SVIL: variants seen among roughly 807,000 people sequenced by gnomAD.
SVIL encodes supervillin.
A neutral mutation model predicts 240.4 loss-of-function variants in SVIL; 101 were observed. The ratio of observed to expected loss-of-function variants is 0.42; its 90% CI spans 0.36 to 0.50. The LOEUF (loss-of-function observed/expected upper bound fraction) is 0.50, where lower values mean the gene tolerates loss of function less well. Ranked by LOEUF, SVIL falls within the 20% of genes least tolerant of loss-of-function variation. SVIL has a pLI of 0.01. For synonymous variants in SVIL, 999 were observed against 1,100.0 expected (o/e 0.91, Z 1.82); for missense variants, 2,512 against 2,818.7 (o/e 0.89, Z 2.46).
intron 7 of SVIL, 37 bp downstream of exon 7, chr10:29,535,952 C>CA: frequency 6.2e-7 from 1 of 1,610,246 alleles, no homozygotes; most frequent in Non-Finnish European, 8.5e-7. Context: ...AAGCAACACT[C>CA]ATGCACACAA....
upstream of SVIL, among the ~76,000 whole-genome samples, chr10:29,736,458 A>C (rs1345029515): frequency 6.6e-6 from 1 of 152,158 alleles, no homozygotes; most frequent in Non-Finnish European, 1.5e-5. Flanking sequence ...GCTGGAGGCC[A>C]GGGCCGCCCT....
intron 6 of SVIL, 128 bp downstream of exon 6, chr10:29,550,469 C>A: frequency 1.7e-5 from 17 of 1,018,340 alleles, no homozygotes; most frequent in Non-Finnish European, 2.2e-5. Context: ...GAATCATATA[C>A]TATGATATTT....
At chr10:29,617,559 C>A (rs369356506) in intron 1 of SVIL, among the ~76,000 whole-genome samples, 5 of 135,896 alleles carry the variant, frequency 3.7e-5, no homozygotes, top group African/African-American at 1.4e-4. Context: ...CCAGCCTGGG[C>A]GAAAAAGGAA....
intron 32 of SVIL, among the ~76,000 whole-genome samples, chr10:29,468,652 G>A (rs946556346): frequency 1.3e-5 from 2 of 150,928 alleles, no homozygotes; most frequent in African/African-American, 4.9e-5. Context: ...ATATATACAT[G>A]TACATATATA....
chr10:29,594,248 T>C (rs1206631122), intron 1 of SVIL, among the ~76,000 whole-genome samples: 1 of 96,356 alleles, frequency 1.0e-5, no homozygotes, highest in African/African-American at 4.2e-5. Flanking sequence ...ATTATGTACA[T>C]GCAAATATTC....
chr10:29,637,589 G>A (rs1437115847), upstream of SVIL, among the ~76,000 whole-genome samples: 3 of 152,176 alleles, frequency 2.0e-5, no homozygotes, highest in African/African-American at 7.2e-5. Context: ...CAAAAAGAGA[G>A]ACACATAACA....
intron 1 of SVIL, among the ~76,000 whole-genome samples, chr10:29,583,870 G>A (rs778070507): frequency 3.3e-5 from 5 of 152,198 alleles, no homozygotes; most frequent in Non-Finnish European, 7.3e-5. Context: ...ATGCGTGGGT[G>A]TAACATCTGA....
chr10:29,696,632 G>A (rs1052833353), intron 1 of SVIL, among the ~76,000 whole-genome samples: 3 of 143,640 alleles, frequency 2.1e-5, no homozygotes, highest in Non-Finnish European at 4.6e-5. Flanking sequence ...GGAGCGCCTC[G>A]GCCCGGCCGC....
chr10:29,650,138 A>G (rs1355501305), intron 3 of SVIL, among the ~76,000 whole-genome samples: 1 of 152,234 alleles, frequency 6.6e-6, no homozygotes, highest in African/African-American at 2.4e-5. Flanking sequence ...CACGAAGTGG[A>G]CTTAGACAAT....
chr10:29,683,296 T>A (rs1453121547), intron 2 of SVIL, among the ~76,000 whole-genome samples: 1 of 152,188 alleles, frequency 6.6e-6, no homozygotes, highest in Non-Finnish European at 1.5e-5. Flanking sequence ...GATAAGGGAT[T>A]GTGGAGACCA....
chr10:29,641,845 T>G (rs1425557392), intron 3 of SVIL, among the ~76,000 whole-genome samples: 2 of 152,168 alleles, frequency 1.3e-5, no homozygotes, highest in Non-Finnish European at 2.9e-5. Flanking sequence ...CAGCACCACA[T>G]TTAGATAAAC....
In SVIL at chr10:29,550,849, C is replaced by A. The variant is rs1348376176; in HGVS notation, c.575G>T (p.Gly192Val). ...CAGCAGCACCTCCGGGTCGGAAGAG[C>A]CGTCACCCACATGGAGGGCATAGTC... ...SKDYALHVGD[G>V]SSDPEVLLNI... Residue 192 changes from glycine (G) to valine (V), a missense_variant, in exon 6 of 38, where the codon GGC becomes GTC. Gly to Val is a moderately radical substitution (Grantham distance 109). Coordinates refer to ENST00000355867, the MANE Select transcript of SVIL (RefSeq NM_021738.3). 7 of 1,614,010 alleles carry A rather than the reference C, an allele frequency of 4.3e-6. No individual in the cohort carries two copies. The highest frequency in any genetic ancestry group is 2.7e-5 in the African/African-American group (2 of 74,910).
At chr10:29,489,144 C>A (rs936279723) in intron 22 of SVIL, among the ~76,000 whole-genome samples, 1 of 152,154 alleles carries the variant, frequency 6.6e-6, no homozygotes, top group Non-Finnish European at 1.5e-5. Context: ...ACTGTTAGAC[C>A]GCTTTCACCA....
intron 1 of SVIL, among the ~76,000 whole-genome samples, chr10:29,621,454 A>G (rs929609038): frequency 1.3e-5 from 2 of 152,256 alleles, no homozygotes; most frequent in South Asian, 4.1e-4. Flanking sequence ...CATGCTTGGG[A>G]AACAGGGGCT....
chr10:29,506,703 CG>C (rs1338413166), intron 17 of SVIL, among the ~76,000 whole-genome samples: 1 of 105,012 alleles, frequency 9.5e-6, no homozygotes, highest in African/African-American at 3.6e-5. Flanking sequence ...AGAGGCCCTA[CG>C]AGGGAGGGGA....
Position 29,481,463 on chromosome 10 carries a change from G to C in SVIL, c.5100+121C>G, listed in dbSNP as rs1380375954. ...AAGATTTGAATGTTCTCACCACAAA[G>C]AAATGATACATCTGGGGTGACAGCC... On this transcript the variant is annotated intron_variant, in intron 28 of 37. Coordinates refer to ENST00000355867, the MANE Select transcript of SVIL (RefSeq NM_021738.3). 2.0e-5 allele frequency: 26 copies of C among 1,288,642 alleles called. No individual in the cohort carries two copies. The Middle Eastern group carries it at 1.1e-3, about 57-fold the overall frequency. The allele number at this position is 1,288,642 out of a possible 1,614,324, so 79.8% of individuals were successfully genotyped here.
intron 1 of SVIL, among the ~76,000 whole-genome samples, chr10:29,609,488 C>T (rs1269204854): frequency 6.6e-6 from 1 of 152,116 alleles, no homozygotes; most frequent in East Asian, 1.9e-4. Flanking sequence ...TGAAACATGT[C>T]CCCCCACTCA....
At chr10:29,641,926 C>T (rs531291062) in intron 3 of SVIL, among the ~76,000 whole-genome samples, 1 of 152,296 alleles carries the variant, frequency 6.6e-6, no homozygotes, top group African/African-American at 2.4e-5. Flanking sequence ...TCAAGGATGT[C>T]CAGCCTGTTG....
At position 29,457,808 on chromosome 10, in the gene SVIL, A is replaced by G. The variant is rs1943733303; in HGVS notation, c.*439T>C. The G allele has an allele frequency of 6.5e-6, 1 of 152,724 alleles. No homozygotes were observed. The highest frequency in any genetic ancestry group is 6.5e-5 in the Admixed American group (1 of 15,286). The allele number at this position is 152,724 out of a possible 1,614,324, so 9.5% of individuals were successfully genotyped here. A position where few individuals can be genotyped will look rare whatever the true frequency, so the allele number is the denominator to read the frequency against. On this transcript the variant is annotated 3_prime_UTR_variant, in exon 38 of 38. Transcript: ENST00000355867. ...ACACCAAAACAAATCTTGAAAGTGAATGAATACATATTGCTTTGTTAAATA... is the reference window on the plus strand; with the variant it reads ...ACACCAAAACAAATCTTGAAAGTGAGTGAATACATATTGCTTTGTTAAATA...
Sources: gnomAD v4.1 joint callset for allele counts (sites outside exome capture counted in the v4.1 genomes callset) on GRCh38, gnomAD v4.1.1 for gene constraint, MANE v1.5 for transcripts, NCBI Gene and HGNC (gene_info 2026-07-23, HGNC 2026-07-21) for gene names.